Variants in PIAS4 observed in about 807,000 individuals in gnomAD.
PIAS4 encodes protein inhibitor of activated STAT 4, also known as E3 SUMO-protein ligase PIAS4.
Under a neutral mutation model 58.0 loss-of-function variants are expected in PIAS4, and 7 were observed. That is an observed-to-expected ratio of 0.12 (90% CI 0.07 to 0.23). The LOEUF (loss-of-function observed/expected upper bound fraction) is 0.23. Among genes scored for constraint, PIAS4 ranks in the 10% least tolerant of loss-of-function variants. The pLI is 1.00. For synonymous variants in PIAS4, 364 were observed against 312.4 expected (o/e 1.17, Z -1.74); for missense variants, 550 against 709.5 (o/e 0.78, Z 2.55).
intron 3 of PIAS4, among the ~76,000 whole-genome samples, chr19:4,026,915 T>G (rs545767291): frequency 6.6e-6 from 1 of 152,166 alleles, no homozygotes; most frequent in Non-Finnish European, 1.5e-5. Context: ...TGGCACGATC[T>G]TGGCTCACTG....
chr19:4,019,345 G>T (rs974191842), intron 2 of PIAS4, among the ~76,000 whole-genome samples: 1 of 152,162 alleles, frequency 6.6e-6, no homozygotes, highest in African/African-American at 2.4e-5. Context: ...GCACAGCCCG[G>T]TCTCCCCCAG....
chr19:4,036,544 A>G (rs2040289869), intron 9 of PIAS4, among the ~76,000 whole-genome samples: 1 of 142,530 alleles, frequency 7.0e-6, no homozygotes, highest in Non-Finnish European at 1.5e-5. Flanking sequence ...TTACATGCAC[A>G]CATCTATACA....
chr19:4,030,480 G>A (rs563122145), intron 7 of PIAS4, among the ~76,000 whole-genome samples: 6 of 151,968 alleles, frequency 3.9e-5, no homozygotes, highest in African/African-American at 1.2e-4. Flanking sequence ...TTAGCCAGGC[G>A]TGGTGGCAGG....
In PIAS4 at chr19:4,009,260, A is replaced by G. The variant is rs557019560; in HGVS notation, c.27+1473A>G. Among the ~76,000 whole-genome samples, 24 of 152,140 alleles carry G rather than the reference A, an allele frequency of 1.6e-4. No homozygotes were observed. In the South Asian group the frequency reaches 4.8e-3, roughly 30 times the overall value. On this transcript the variant is annotated intron_variant, in intron 1 of 10. Coordinates refer to ENST00000262971, the MANE Select transcript of PIAS4 (RefSeq NM_015897.4). Reference sequence around the variant, plus strand: ...ACAGCACTCAGGGCTCTGTGATTATAGCATATACCTCTCTTCGCCTCCCAA... The same window carrying G: ...ACAGCACTCAGGGCTCTGTGATTATGGCATATACCTCTCTTCGCCTCCCAA...
At chr19:4,023,655 G>T (rs138019033) in intron 2 of PIAS4, among the ~76,000 whole-genome samples, 11 of 152,210 alleles carry the variant, frequency 7.2e-5, no homozygotes, top group African/African-American at 2.4e-4. Flanking sequence ...AGCAAGGGCC[G>T]GGTCCGGTTT....
At position 4,037,872 on chromosome 19, in the gene PIAS4, C is replaced by T; in HGVS notation, c.1530C>T (p.Cys510=). 6.4e-7 allele frequency: 1 copy of T among 1,565,894 alleles called. No homozygotes were observed. The highest frequency in any genetic ancestry group is 1.9e-5 in the Admixed American group (1 of 53,444). The change falls in exon 11 of 11, where the codon TGC becomes TGT. Residue 510 remains cysteine, a synonymous_variant. Transcript: ENST00000262971. This position sits in a 1 kb window ranked among gnomAD's most constrained non-coding sequence, Gnocchi z 5.8. ...CPFQKGLVPA[C] is the part of the protein sequence containing the mutation. Reference sequence around the variant, plus strand: ...TCCAGAAGGGCCTGGTGCCGGCCTGCTGACCCCGGCCGCACACTCGACTTT... The same window carrying T: ...TCCAGAAGGGCCTGGTGCCGGCCTGTTGACCCCGGCCGCACACTCGACTTT...
In PIAS4 at chr19:4,038,461, G is replaced by A. The variant is rs2040327728; in HGVS notation, c.*586G>A. ...GCGGGGAGGGGCAGTAGGGTGGGGG[G>A]ATGGGTGGGCAGGATGGGGGTACAG... On this transcript the variant is annotated 3_prime_UTR_variant, in exon 11 of 11. Coordinates refer to ENST00000262971, the MANE Select transcript of PIAS4 (RefSeq NM_015897.4). This position sits in a 1 kb window ranked among gnomAD's most constrained non-coding sequence, Gnocchi z 4.1. The A allele has an allele frequency of 1.5e-5, 2 of 133,200 alleles. No individual in the cohort carries two copies. Among genetic ancestry groups the A allele is most frequent in the African/African-American group, 5.4e-5 (2 of 36,762 alleles). The allele number at this position is 133,200 out of a possible 1,614,324, so 8.3% of individuals were successfully genotyped here.
intron 3 of PIAS4, 111 bp from the exon 4 acceptor site, chr19:4,028,034 TG>T (rs2040184548): frequency 1.9e-6 from 2 of 1,031,012 alleles, no homozygotes; most frequent in African/African-American, 1.6e-5. Context: ...TTCCCAGCTC[TG>T]GGGGAGGGAG....
chr19:4,027,667 C>T (rs1355487211), intron 3 of PIAS4, among the ~76,000 whole-genome samples: 4 of 149,198 alleles, frequency 2.7e-5, no homozygotes, highest in African/African-American at 9.9e-5. Flanking sequence ...TTCAGACGAT[C>T]CCCCTGCCTC....
rs1242172048 is a variant in PIAS4 at position 4,017,030 on chromosome 19, G to A, written c.454+3681G>A. Among the ~76,000 whole-genome samples the A allele has an allele frequency of 3.9e-5, 6 of 152,272 alleles. No individual in the cohort carries two copies. In the South Asian group the frequency reaches 6.2e-4, roughly 16 times the overall value. ...CCTTCCACAGCCAGGCCTGCTGCCC[G>A]CCCAGGCCCACCATCTGTCCGTCTG... On this transcript the variant is annotated intron_variant, in intron 2 of 10. Coordinates refer to ENST00000262971, the MANE Select transcript of PIAS4 (RefSeq NM_015897.4).
chr19:4,017,718 C>T (rs764184281), intron 2 of PIAS4: 20 of 126,792 alleles, frequency 1.6e-4, no homozygotes, highest in African/African-American at 5.5e-4. Context: ...GTCTGACTGT[C>T]GCCCGTGCTG....
At chr19:4,028,295 G>T in intron 4 of PIAS4, 108 bp downstream of exon 4, 1 of 831,128 alleles carries the variant, frequency 1.2e-6, no homozygotes, top group Admixed American at 2.4e-5. Context: ...GCTAACAGCA[G>T]AGCCCAGCTC....
At position 4,013,779 on chromosome 19, in the gene PIAS4, G is replaced by A. The variant is rs964814499; in HGVS notation, c.454+430G>A. ...CACAGTCCCCAGGTCCTCATGGTGC[G>A]GACTCCTGCACGGATTGCCTGGGCG... On this transcript the variant is annotated intron_variant, in intron 2 of 10. Transcript: ENST00000262971. The surrounding 1 kb of genome is among the most constrained non-coding windows in gnomAD (Gnocchi z 5.1). Among the ~76,000 whole-genome samples, 11 of 152,266 alleles carry A rather than the reference G, an allele frequency of 7.2e-5. No individual in the cohort carries two copies. Among genetic ancestry groups the A allele is most frequent in the Non-Finnish European group, 1.0e-4 (7 of 68,008 alleles).
At chr19:4,011,227 C>G (rs1449868758) in intron 1 of PIAS4, among the ~76,000 whole-genome samples, 7 of 152,222 alleles carry the variant, frequency 4.6e-5, no homozygotes, top group Admixed American at 3.3e-4. Context: ...TCCTTAACAC[C>G]CTTGACGCTT....
chr19:4,019,436 G>A (rs73532339), intron 2 of PIAS4, among the ~76,000 whole-genome samples: 15,224 of 152,210 alleles, frequency 0.1, 852 homozygotes, highest in South Asian at 0.18. Flanking sequence ...GCATGGGCTG[G>A]CAACAATCCC....
chr19:4,021,975 C>G (rs542559789), intron 2 of PIAS4, among the ~76,000 whole-genome samples: 14 of 152,136 alleles, frequency 9.2e-5, no homozygotes, highest in African/African-American at 3.4e-4. Flanking sequence ...CCTCAAACTC[C>G]TGGGCTCAAG....
chr19:4,015,947 T>C (rs958412842), intron 2 of PIAS4, among the ~76,000 whole-genome samples: 2 of 152,100 alleles, frequency 1.3e-5, no homozygotes, highest in Non-Finnish European at 2.9e-5. Context: ...CCTCAGGCTG[T>C]AGGTGATCGG....
chr19:4,037,049 C>T lies in PIAS4; in HGVS notation c.1143-325C>T, dbSNP rs545297614. On this transcript the variant is annotated intron_variant, in intron 9 of 10. Coordinates refer to ENST00000262971, the MANE Select transcript of PIAS4 (RefSeq NM_015897.4). This position sits in a 1 kb window ranked among gnomAD's most constrained non-coding sequence, Gnocchi z 5.8. ...AACATGCGTGCACACCCGGAGGTGC[C>T]CAGAGGGGCAGGGTGGGGAGGACCC... Among the ~76,000 whole-genome samples the T allele has an allele frequency of 6.6e-6, 1 of 151,842 alleles. No individual in the cohort carries two copies. The highest frequency in any genetic ancestry group is 2.1e-4 in the South Asian group (1 of 4,820).
chr19:4,028,640 G>A (rs768336665), intron 5 of PIAS4, 40 bp downstream of exon 5: 8 of 1,608,842 alleles, frequency 5.0e-6, no homozygotes, highest in South Asian at 4.4e-5. Context: ...CACGGGTTTG[G>A]GGGGCGTGGA....
Sources: allele counts gnomAD v4.1 joint callset (sites outside exome capture counted in the v4.1 genomes callset), GRCh38; gene constraint gnomAD v4.1.1; non-coding constraint Gnocchi (gnomAD v3.1); transcripts MANE v1.5; gene names NCBI Gene and HGNC (gene_info 2026-07-23, HGNC 2026-07-21).